Variants in NPAS3 observed in about 807,000 individuals in gnomAD.
The protein encoded by NPAS3 is neuronal PAS domain-containing protein 3.
Under a neutral mutation model 73.1 loss-of-function variants are expected in NPAS3, and 14 were observed. The ratio of observed to expected loss-of-function variants is 0.19; its 90% confidence interval spans 0.13 to 0.30. NPAS3 has a LOEUF of 0.30. NPAS3 is among the 10% of genes least tolerant of loss of function. NPAS3 has a pLI of 1.00. For missense variants in NPAS3, 1,096 were observed against 1,250.0 expected (o/e 0.88, Z 1.86); for synonymous variants, 620 against 541.5 (o/e 1.14, Z -2.01).
chr14:33,372,541 C>T (rs113527308), intron 4 of NPAS3, among the ~76,000 whole-genome samples: 9,954 of 152,170 alleles, frequency 0.065, 1,031 homozygotes, highest in African/African-American at 0.22. Flanking sequence ...CTGTGTATTG[C>T]GAACTCTGGG....
chr14:33,456,537 A>G (rs572022913), intron 4 of NPAS3, among the ~76,000 whole-genome samples: 4 of 152,218 alleles, frequency 2.6e-5, no homozygotes, highest in Non-Finnish European at 4.4e-5. Context: ...TAAGAAGACC[A>G]GTCCTCAACT....
At chr14:33,121,440 C>A (rs1227488347) in intron 2 of NPAS3, among the ~76,000 whole-genome samples, 1 of 152,116 alleles carries the variant, frequency 6.6e-6, no homozygotes, top group Admixed American at 6.6e-5. Flanking sequence ...GACTCCCCCA[C>A]TAGACTGATT....
chr14:33,718,118 C>A (rs2140527393), intron 6 of NPAS3, among the ~76,000 whole-genome samples: 1 of 152,186 alleles, frequency 6.6e-6, no homozygotes, highest in Middle Eastern at 3.4e-3. Flanking sequence ...TGCTGACTTG[C>A]AAACTCAAGC....
intron 1 of NPAS3, among the ~76,000 whole-genome samples, chr14:33,015,953 A>G (rs1371410717): frequency 3.3e-5 from 5 of 152,212 alleles, no homozygotes; most frequent in African/African-American, 1.2e-4. Flanking sequence ...AAATAATTGA[A>G]AAGAGTAGTT....
chr14:33,437,527 A>C (rs1189766388), intron 4 of NPAS3, among the ~76,000 whole-genome samples: 1 of 152,170 alleles, frequency 6.6e-6, no homozygotes, highest in Non-Finnish European at 1.5e-5. Context: ...TGACTGTCCC[A>C]AATAGAGTGG....
At chr14:33,474,833 TTTACTGA>T (rs1285147598) in intron 4 of NPAS3, among the ~76,000 whole-genome samples, 2 of 152,182 alleles carry the variant, frequency 1.3e-5, no homozygotes, top group Admixed American at 6.5e-5. Flanking sequence ...AATAAATAAC[TTTACTGA>T]TTACTTATGA....
intron 4 of NPAS3, among the ~76,000 whole-genome samples, chr14:33,411,652 C>A (rs987089541): frequency 1.3e-5 from 2 of 152,170 alleles, no homozygotes; most frequent in Non-Finnish European, 1.5e-5. Flanking sequence ...TCTACCAATA[C>A]AATTTGTCTA....
chr14:33,410,942 A>C (rs573064487), intron 4 of NPAS3, among the ~76,000 whole-genome samples: 12 of 152,186 alleles, frequency 7.9e-5, no homozygotes, highest in African/African-American at 2.9e-4. Context: ...CACCGCATCC[A>C]GCTGAATAGT....
chr14:33,323,916 A>G (rs1011011263), intron 3 of NPAS3, among the ~76,000 whole-genome samples: 2 of 152,232 alleles, frequency 1.3e-5, no homozygotes, highest in African/African-American at 2.4e-5. Flanking sequence ...CATTCCTGAT[A>G]TAATATTCCC....
chr14:33,032,016 T>C (rs921392128), intron 1 of NPAS3, among the ~76,000 whole-genome samples: 1 of 152,232 alleles, frequency 6.6e-6, no homozygotes, highest in Non-Finnish European at 1.5e-5. Context: ...GGAAAGCCCA[T>C]GTGAAGACTC....
intron 1 of NPAS3, among the ~76,000 whole-genome samples, chr14:33,028,614 A>AT (rs1381712887): frequency 3.9e-5 from 6 of 152,196 alleles, no homozygotes; most frequent in African/African-American, 1.4e-4. Flanking sequence ...CCTAGTATCT[A>AT]TGGCAGTTAG....
At chr14:33,088,568 A>G (rs1474477131) in intron 2 of NPAS3, among the ~76,000 whole-genome samples, 1 of 152,218 alleles carries the variant, frequency 6.6e-6, no homozygotes, top group Non-Finnish European at 1.5e-5. Context: ...AGCCCACCGC[A>G]GCTCAAGGAG....
chr14:33,542,086 A>G (rs1269304293), intron 4 of NPAS3, among the ~76,000 whole-genome samples: 1 of 152,194 alleles, frequency 6.6e-6, no homozygotes, highest in East Asian at 1.9e-4. Context: ...ATGAATGTAT[A>G]TACATATTTG....
intron 2 of NPAS3, among the ~76,000 whole-genome samples, chr14:33,154,312 C>T (rs11623670): frequency 0.1 from 15,581 of 152,294 alleles, 1,062 homozygotes; most frequent in Non-Finnish European, 0.16. Flanking sequence ...ATGCTTCTGA[C>T]TATACCTTCC....
At chr14:33,592,024 T>G (rs1416599329) in intron 5 of NPAS3, among the ~76,000 whole-genome samples, 1 of 152,160 alleles carries the variant, frequency 6.6e-6, no homozygotes, top group Admixed American at 6.5e-5. Context: ...TACACTAGTT[T>G]TTACACAGAA....
At chr14:33,485,812 A>G (rs1277353945) in intron 4 of NPAS3, among the ~76,000 whole-genome samples, 1 of 151,962 alleles carries the variant, frequency 6.6e-6, no homozygotes, top group Admixed American at 6.6e-5. Context: ...GAACTTACCC[A>G]CATTCATAAA....
At chr14:33,541,099 GTGTGTGTGT>G in intron 4 of NPAS3, among the ~76,000 whole-genome samples, 1 of 148,496 alleles carries the variant, frequency 6.7e-6, no homozygotes, top group South Asian at 2.2e-4. Flanking sequence ...GTTTAGAGGT[GTGTGTGTGT>G]GTGTGTGTGT....
intron 6 of NPAS3, among the ~76,000 whole-genome samples, chr14:33,694,953 T>G (rs1411480961): frequency 6.6e-6 from 1 of 152,190 alleles, no homozygotes; most frequent in East Asian, 1.9e-4. Flanking sequence ...ATGATGCCCT[T>G]GATAGCTTCT....
chr14:33,540,961 C>A (rs1346008134), intron 4 of NPAS3, among the ~76,000 whole-genome samples: 1 of 151,978 alleles, frequency 6.6e-6, no homozygotes, highest in Non-Finnish European at 1.5e-5. Context: ...TTTTATTAAT[C>A]TCTTGTTTAA....
Sources: allele counts gnomAD v4.1 joint callset (sites outside exome capture counted in the v4.1 genomes callset), GRCh38; gene constraint gnomAD v4.1.1; transcripts MANE v1.5; gene names NCBI Gene and HGNC (gene_info 2026-07-23, HGNC 2026-07-21).